Variants in TBC1D8 observed in about 807,000 individuals in gnomAD.
TBC1D8 encodes the protein TBC1 domain family member 8, also known as BUB2-like protein 1.
Under a neutral mutation model 118.8 loss-of-function variants are expected in TBC1D8, and 65 were observed. The ratio of observed to expected loss-of-function variants is 0.55; its 90% CI spans 0.45 to 0.67. The LOEUF is 0.67. Among genes scored for constraint, TBC1D8 ranks in the 30% least tolerant of loss-of-function variants. The pLI is 0.00. For synonymous variants in TBC1D8, 566 were observed against 595.8 expected, an observed-to-expected ratio of 0.95 and a Z score of 0.73; for missense variants, 1,376 against 1,471.2, an observed-to-expected ratio of 0.94 and a Z score of 1.06.
intron 2 of TBC1D8, among the ~76,000 whole-genome samples, chr2:101,082,788 A>T (rs1464418979): frequency 6.6e-6 from 1 of 152,110 alleles, no homozygotes; most frequent in Admixed American, 6.6e-5. Flanking sequence ...GAGAGTGAGG[A>T]GTGAGTCTTT....
At chr2:101,034,558 G>A (rs770345731) in intron 9 of TBC1D8, among the ~76,000 whole-genome samples, 13 of 152,314 alleles carry the variant, frequency 8.5e-5, no homozygotes, top group Non-Finnish European at 7.3e-5. Flanking sequence ...AGGCCTCAGC[G>A]GGCGGGCAAG....
At chr2:101,117,724 C>G (rs2104224301) in intron 1 of TBC1D8, among the ~76,000 whole-genome samples, 1 of 151,918 alleles carries the variant, frequency 6.6e-6, no homozygotes, top group Non-Finnish European at 1.5e-5. Context: ...CAGGCGCCCG[C>G]CACCATGCCT....
At position 101,032,708 on chromosome 2, in the gene TBC1D8, C is replaced by G. The variant is rs372776374; in HGVS notation, c.1819-323G>C. 9 of 239,860 alleles carry G rather than the reference C, an allele frequency of 3.8e-5. No individual in the cohort carries two copies. In the Admixed American group the frequency reaches 4.1e-4, roughly 11 times the overall value. 14.9% of individuals were successfully genotyped at this position (239,860 alleles called of 1,614,324 possible). On this transcript the variant is annotated intron_variant, in intron 10 of 19. Coordinates refer to ENST00000409318, the MANE Select transcript of TBC1D8 (RefSeq NM_001330348.2). The stretch of plus-strand genomic sequence containing the variant: ...TCAAGCAGACACACACATGCACACA[C>G]GTGCACACACAAACTTAATTCGCTC...
chr2:101,032,224 C>T, intron 11 of TBC1D8, 44 bp downstream of exon 11: 1 of 1,555,580 alleles, frequency 6.4e-7, no homozygotes, highest in Non-Finnish European at 8.8e-7. Flanking sequence ...CAGGCTCTGT[C>T]ACTCTTCCCC....
chr2:101,028,376 T>C lies in TBC1D8; in HGVS notation c.2279A>G (p.His760Arg), dbSNP rs376933645. Reference protein sequence around the residue: ...DSPGPPVGSHHAFFSDDQEPY... With the variant: ...DSPGPPVGSHRAFFSDDQEPY... ...CTCCTGGTCGTCGGAGAAAAAGGCA[T>C]GGTGGCTGCCAACTGGGGGCCCTGG... is the stretch of plus-strand genomic sequence containing the variant. The change falls in exon 13 of 20, where the codon CAT (histidine) becomes CGT (arginine). Residue 760 changes from histidine to arginine, a missense_variant. By Grantham distance (29) the His-to-Arg change is conservative. Coordinates refer to ENST00000409318, the MANE Select transcript of TBC1D8 (RefSeq NM_001330348.2). 8.7e-6 allele frequency: 14 copies of C among 1,611,518 alleles called. No homozygotes were observed. Among genetic ancestry groups the C allele is most frequent in the South Asian group, 3.3e-5 (3 of 90,678 alleles).
At chr2:101,068,474 G>A (rs1683135290) in intron 2 of TBC1D8, 1 of 376,458 alleles carries the variant, frequency 2.7e-6, no homozygotes, top group East Asian at 6.3e-5. Context: ...AATGTTCCAG[G>A]AAGTTCTTCC....
intron 1 of TBC1D8, among the ~76,000 whole-genome samples, chr2:101,094,749 G>A (rs1248560088): frequency 6.6e-6 from 1 of 152,202 alleles, no homozygotes; most frequent in Non-Finnish European, 1.5e-5. Flanking sequence ...GAAAGCCACA[G>A]GGGTGCTTCC....
intron 1 of TBC1D8, among the ~76,000 whole-genome samples, chr2:101,128,186 G>A (rs1269797445): frequency 1.3e-5 from 2 of 152,102 alleles, no homozygotes; most frequent in East Asian, 1.9e-4. Context: ...ACCAAATACA[G>A]ATTAAGCATT....
intron 1 of TBC1D8, among the ~76,000 whole-genome samples, chr2:101,120,015 A>G (rs1200949682): frequency 6.6e-6 from 1 of 152,156 alleles, no homozygotes; most frequent in African/African-American, 2.4e-5. Flanking sequence ...CCAGGAGCCC[A>G]AGAGAGCTAG....
chr2:101,095,031 G>A (rs1676306811), intron 1 of TBC1D8, among the ~76,000 whole-genome samples: 1 of 152,118 alleles, frequency 6.6e-6, no homozygotes, highest in Non-Finnish European at 1.5e-5. Flanking sequence ...TGGAGGCTGA[G>A]TGTGTAAGAA....
At chr2:101,052,435 C>G (rs568347018) in intron 4 of TBC1D8, among the ~76,000 whole-genome samples, 1 of 151,542 alleles carries the variant, frequency 6.6e-6, no homozygotes, top group African/African-American at 2.4e-5. Context: ...ACCTGAAAAT[C>G]AGAAATGTCA....
chr2:101,090,797 C>T (rs1675985242), intron 1 of TBC1D8, among the ~76,000 whole-genome samples: 1 of 152,182 alleles, frequency 6.6e-6, no homozygotes, highest in South Asian at 2.1e-4. Context: ...ATAAAATAAG[C>T]ACAGTCTACC....
intron 2 of TBC1D8, among the ~76,000 whole-genome samples, chr2:101,074,044 C>T (rs993946651): frequency 3.9e-5 from 6 of 152,250 alleles, no homozygotes; most frequent in Non-Finnish European, 7.3e-5. Flanking sequence ...AGAGGCCTAG[C>T]TTTCAGCCTA....
intron 16 of TBC1D8, 63 bp from the exon 17 acceptor site, chr2:101,021,809 A>G: frequency 9.2e-7 from 1 of 1,090,810 alleles, no homozygotes; most frequent in South Asian, 1.4e-5. Context: ...TCAGGACACA[A>G]ACTCACTGTG....
rs567384185 is a variant in TBC1D8, at chr2:101,049,356, T to C, written c.872+1045A>G. 9.2e-5 allele frequency among the ~76,000 whole-genome samples: 14 copies of C among 152,336 alleles called. No homozygotes were observed. In the South Asian group the frequency reaches 2.9e-3, roughly 32 times the overall value. ...TGACTTACACTATTAGTGAGGCATA[T>C]TTCTGATGACGAAGTGGTACCAAAA... On this transcript the variant is annotated intron_variant, in intron 5 of 19. Coordinates refer to ENST00000409318, the MANE Select transcript of TBC1D8 (RefSeq NM_001330348.2).
intron 1 of TBC1D8, among the ~76,000 whole-genome samples, chr2:101,092,934 G>T (rs1273668352): frequency 6.6e-6 from 1 of 152,060 alleles, no homozygotes; most frequent in African/African-American, 2.4e-5. Context: ...AACAACACGG[G>T]TTTGAACTGT....
chr2:101,111,725 T>C (rs1157674974), intron 1 of TBC1D8, among the ~76,000 whole-genome samples: 4 of 152,280 alleles, frequency 2.6e-5, no homozygotes, highest in Non-Finnish European at 5.9e-5. Context: ...GAGGGAGAAA[T>C]TGGTTTGAGT....
At chr2:101,120,328 T>C (rs1356534095) in intron 1 of TBC1D8, among the ~76,000 whole-genome samples, 1 of 152,166 alleles carries the variant, frequency 6.6e-6, no homozygotes. Context: ...GGCTGAGCTG[T>C]GGGTTGCTCC....
chr2:101,131,058 T>TTTTATTTA (rs139805489), intron 1 of TBC1D8, among the ~76,000 whole-genome samples: 2 of 151,080 alleles, frequency 1.3e-5, no homozygotes, highest in South Asian at 4.2e-4. Flanking sequence ...CACCTCTTTA[T>TTTTATTTA]TTTATTTATT....
Sources: gnomAD v4.1 joint callset for allele counts (sites outside exome capture counted in the v4.1 genomes callset) on GRCh38, gnomAD v4.1.1 for gene constraint, MANE v1.5 for transcripts, NCBI Gene and HGNC (gene_info 2026-07-23, HGNC 2026-07-21) for gene names.